Variants in RFX3 observed in about 807,000 individuals in gnomAD.
RFX3 encodes transcription factor RFX3.
Under a neutral mutation model 98.6 loss-of-function variants are expected in RFX3, and 14 were observed. The ratio of observed to expected loss-of-function variants is 0.14; its 90% CI spans 0.09 to 0.22. The LOEUF (loss-of-function observed/expected upper bound fraction) is 0.22, where lower values mean the gene tolerates loss of function less well. Ranked by LOEUF, RFX3 falls within the 10% of genes least tolerant of loss-of-function variation. The probability of loss-of-function intolerance (pLI) is 1.00; values close to 1 mark genes in which losing one functional copy is unlikely to be tolerated. For synonymous variants in RFX3, 383 were observed against 328.4 expected (o/e 1.17, Z -1.80); for missense variants, 639 against 926.9 (o/e 0.69, Z 4.03).
chr9:3,420,267 A>G (rs1345109233), intron 1 of RFX3, among the ~76,000 whole-genome samples: 1 of 152,196 alleles, frequency 6.6e-6, no homozygotes, highest in African/African-American at 2.4e-5. Context: ...CAGGCTGAGT[A>G]CTAACAGGAC....
intron 2 of RFX3, among the ~76,000 whole-genome samples, chr9:3,347,999 G>A (rs1192310466): frequency 1.3e-5 from 2 of 152,094 alleles, no homozygotes; most frequent in Non-Finnish European, 2.9e-5. Flanking sequence ...TCCCTGATGA[G>A]TCCAATCACT....
At chr9:3,242,141 C>A (rs552912320) in intron 15 of RFX3, among the ~76,000 whole-genome samples, 48 of 152,274 alleles carry the variant, frequency 3.2e-4, no homozygotes, top group Non-Finnish European at 5.9e-4. Flanking sequence ...GTTAGTTCTA[C>A]CACTTGCTAG....
chr9:3,384,210 C>T (rs1208232181), intron 2 of RFX3, among the ~76,000 whole-genome samples: 1 of 26,054 alleles, frequency 3.8e-5, no homozygotes, highest in Non-Finnish European at 6.0e-5. Context: ...TACAGAATAC[C>T]TCATGTTTGC....
chr9:3,326,267 G>A (rs768322646), intron 4 of RFX3, among the ~76,000 whole-genome samples: 1 of 152,034 alleles, frequency 6.6e-6, no homozygotes, highest in Non-Finnish European at 1.5e-5. Flanking sequence ...AGTATTAGTA[G>A]TTGATATAAT....
At chr9:3,330,212 G>A in intron 4 of RFX3, 47 bp downstream of exon 4, 1 of 1,593,300 alleles carries the variant, frequency 6.3e-7, no homozygotes, top group Non-Finnish European at 8.6e-7. Context: ...ATGTTCATTA[G>A]AGACTATTAA....
chr9:3,416,408 G>A (rs1246854083), intron 1 of RFX3, among the ~76,000 whole-genome samples: 1 of 152,062 alleles, frequency 6.6e-6, no homozygotes, highest in Non-Finnish European at 1.5e-5. Flanking sequence ...GCTATGTTGG[G>A]CCTGTTTCTG....
intron 15 of RFX3, among the ~76,000 whole-genome samples, chr9:3,237,099 T>C (rs957022337): frequency 6.6e-5 from 10 of 152,228 alleles, no homozygotes; most frequent in Admixed American, 4.6e-4. Context: ...ACAAAACCTT[T>C]CATTCATTTC....
Position 3,270,375 on chromosome 9 carries a change from A to T in RFX3, c.1353T>A (p.Ile451=), listed in dbSNP as rs761441069. The change falls in exon 11 of 17, where the codon ATT becomes ATA. Residue 451 remains isoleucine, a synonymous_variant. Coordinates refer to ENST00000617270, the MANE Select transcript of RFX3 (RefSeq NM_001282116.2). The part of the protein sequence containing the change: ...EILIPDVLRP[I]PSALTQAIRN... ...ACTCGTCTGCATTTAACTTACTAGG[A>T]ATAGGTCTAAGGACGTCGGGGATGA... 11 of 1,611,952 alleles carry T rather than the reference A, an allele frequency of 6.8e-6. No homozygotes were observed. In the Admixed American group the frequency reaches 1.8e-4, roughly 27 times the overall value.
At chr9:3,466,136 A>G (rs1848193954) in intron 1 of RFX3, among the ~76,000 whole-genome samples, 1 of 152,216 alleles carries the variant, frequency 6.6e-6, no homozygotes, top group African/African-American at 2.4e-5. Flanking sequence ...TTGTCTTTTT[A>G]CTCTGTAGCA....
chr9:3,369,969 C>T (rs1033220674), intron 2 of RFX3, among the ~76,000 whole-genome samples: 20 of 150,056 alleles, frequency 1.3e-4, no homozygotes, highest in Non-Finnish European at 2.8e-4. Flanking sequence ...GCTGGGACTA[C>T]AGGCGCCCGC....
rs1259078985 is a variant in RFX3 at position 3,220,495 on chromosome 9, T to C, written c.*4547A>G. On this transcript the variant is annotated 3_prime_UTR_variant, in exon 17 of 17. Coordinates refer to ENST00000617270, the MANE Select transcript of RFX3 (RefSeq NM_001282116.2). ...AGACTATGGTGTGATACTAGAAAAG[T>C]TGATTTTTTTTTTCTGTAAACAGTA... 2 of 152,218 alleles carry C rather than the reference T, an allele frequency of 1.3e-5. No homozygotes were observed. Among genetic ancestry groups the C allele is most frequent in the Admixed American group, 6.5e-5 (1 of 15,280 alleles). The allele number at this position is 152,218 out of a possible 1,614,324, so 9.4% of individuals were successfully genotyped here. A position where few individuals can be genotyped will look rare whatever the true frequency, so the allele number is the denominator to read the frequency against.
intron 1 of RFX3, among the ~76,000 whole-genome samples, chr9:3,505,190 GAATA>G (rs1299409781): frequency 3.8e-5 from 3 of 78,136 alleles, no homozygotes; most frequent in Non-Finnish European, 6.3e-5. Flanking sequence ...ATATATATAT[GAATA>G]TATATTTATA....
At chr9:3,413,886 A>T (rs980953010) in intron 1 of RFX3, among the ~76,000 whole-genome samples, 4 of 152,250 alleles carry the variant, frequency 2.6e-5, no homozygotes, top group South Asian at 2.1e-4. Context: ...CTCTCCACCT[A>T]GATAACATGA....
chr9:3,277,537 G>C, intron 7 of RFX3, 76 bp from the exon 8 acceptor site: 1 of 1,308,330 alleles, frequency 7.6e-7, no homozygotes, highest in African/African-American at 1.5e-5. Flanking sequence ...AACTCCCAAA[G>C]CATTCAGTTT....
chr9:3,519,068 T>C (rs1038054365), intron 1 of RFX3, among the ~76,000 whole-genome samples: 1 of 152,226 alleles, frequency 6.6e-6, no homozygotes, highest in Non-Finnish European at 1.5e-5. Context: ...AAATAATTCA[T>C]GTATAACGTG....
intron 1 of RFX3, 79 bp from the exon 2 acceptor site, chr9:3,395,675 C>G (rs1840785403): frequency 1.3e-6 from 2 of 1,484,758 alleles, no homozygotes; most frequent in African/African-American, 2.8e-5. Context: ...TTCTTAAAAT[C>G]CTATACTGAA....
intron 7 of RFX3, among the ~76,000 whole-genome samples, chr9:3,281,335 A>T (rs1285029088): frequency 1.3e-5 from 2 of 151,566 alleles, no homozygotes; most frequent in Admixed American, 6.6e-5. Context: ...AATAAATTTT[A>T]AAAAACAGGT....
intron 1 of RFX3, among the ~76,000 whole-genome samples, chr9:3,480,522 A>G (rs754395617): frequency 1.8e-4 from 28 of 152,220 alleles, no homozygotes; most frequent in African/African-American, 4.8e-4. Context: ...AATGCCATCA[A>G]TGTAATAGAC....
Position 3,366,715 on chromosome 9 carries a change from T to TTTC in RFX3, c.118-19954_118-19952dup, listed in dbSNP as rs1554681371. On this transcript the variant is annotated intron_variant, in intron 2 of 16. Transcript: ENST00000617270. ...TTTCCTTTCTTTCTTTCTTTCTTTCTTTCTTTCTTTCTTTCTTTCTTTCTT... is the reference window on the plus strand; with the variant it reads ...TTTCCTTTCTTTCTTTCTTTCTTTCTTTCTTCTTTCTTTCTTTCTTTCTTTCTT... Among the ~76,000 whole-genome samples, 16 of 141,916 alleles carry TTTC rather than the reference T, an allele frequency of 1.1e-4. No individual in the cohort carries two copies. In the East Asian group the frequency reaches 1.3e-3, roughly 11 times the overall value. The allele number at this position is 141,916 out of a possible 152,430, so 93.1% of individuals were successfully genotyped here. A position where few individuals can be genotyped will look rare whatever the true frequency, so the allele number is the denominator to read the frequency against.
Sources: gnomAD v4.1 joint callset for allele counts (sites outside exome capture counted in the v4.1 genomes callset) on GRCh38, gnomAD v4.1.1 for gene constraint, MANE v1.5 for transcripts, NCBI Gene and HGNC (gene_info 2026-07-23, HGNC 2026-07-21) for gene names.